Variants in KCND2 observed in about 807,000 individuals in gnomAD.
KCND2 encodes A-type voltage-gated potassium channel KCND2.
A neutral mutation model predicts 54.4 loss-of-function variants in KCND2; 16 were observed. The ratio of observed to expected loss-of-function variants is 0.29; its 90% CI spans 0.20 to 0.45. The LOEUF is 0.45. KCND2 is among the 20% of genes least tolerant of loss of function. The pLI is 1.00. For missense variants in KCND2, 486 were observed against 824.2 expected, an observed-to-expected ratio of 0.59 and a Z score of 5.02; for synonymous variants, 317 against 310.7, an observed-to-expected ratio of 1.02 and a Z score of -0.21.
At chr7:120,628,854 T>A (rs1793192934) in intron 1 of KCND2, among the ~76,000 whole-genome samples, 1 of 152,108 alleles carries the variant, frequency 6.6e-6, no homozygotes, top group Admixed American at 6.5e-5. Context: ...CTGAATTAAT[T>A]CAATAAATTT....
At chr7:120,642,474 A>T (rs760727677) in intron 1 of KCND2, among the ~76,000 whole-genome samples, 4 of 151,542 alleles carry the variant, frequency 2.6e-5, no homozygotes, top group Non-Finnish European at 5.9e-5. Context: ...AGGCACAAGA[A>T]TCACTTGAAC....
In KCND2 at chr7:120,324,296, T is replaced by G. The variant is rs868555956; in HGVS notation, c.1115+48549T>G. On this transcript the variant is annotated intron_variant, in intron 1 of 5. Transcript: ENST00000331113. ...TTTCTTTTGCTGTGCAGAAGCTCTT[T>G]AGTTTAATTAGATCCCATTTGTCAA... Among the ~76,000 whole-genome samples the G allele has an allele frequency of 4.3e-3, 648 of 149,916 alleles. 2 individuals carry two copies. Among genetic ancestry groups the G allele is most frequent in the Admixed American group, 8.2e-3 (123 of 15,076 alleles).
intron 1 of KCND2, among the ~76,000 whole-genome samples, chr7:120,665,095 G>A (rs728115): frequency 0.13 from 20,274 of 151,948 alleles, 1,914 homozygotes; most frequent in East Asian, 0.42. Flanking sequence ...TTCCAGAAAA[G>A]TGCAGTGACA....
intron 1 of KCND2, among the ~76,000 whole-genome samples, chr7:120,537,779 C>T (rs947006505): frequency 6.6e-6 from 1 of 152,196 alleles, no homozygotes; most frequent in African/African-American, 2.4e-5. Flanking sequence ...CTGCAGCTTC[C>T]TCACCTCTCT....
rs189381610 is a variant in KCND2, at chr7:120,391,598, T to C, written c.1115+115851T>C. Among the ~76,000 whole-genome samples the C allele has an allele frequency of 6.4e-4, 98 of 152,278 alleles. 1 individual carries two copies. Among genetic ancestry groups the C allele is most frequent in the Admixed American group, 6.3e-3 (97 of 15,280 alleles). ...CATCTGTTGTTTCCAGACTTTTGAATGATCACCATTCTAACTGGTGTGAGA... is the reference window on the plus strand; with the variant it reads ...CATCTGTTGTTTCCAGACTTTTGAACGATCACCATTCTAACTGGTGTGAGA... On this transcript the variant is annotated intron_variant, in intron 1 of 5. Transcript: ENST00000331113.
chr7:120,678,401 A>G (rs915932717), intron 1 of KCND2, among the ~76,000 whole-genome samples: 7 of 135,208 alleles, frequency 5.2e-5, no homozygotes, highest in African/African-American at 1.8e-4. Flanking sequence ...AGACACATAC[A>G]CACATATATA....
At chr7:120,746,075 G>C in intron 5 of KCND2, 48 bp downstream of exon 5, 1 of 1,601,938 alleles carries the variant, frequency 6.2e-7, no homozygotes, top group Non-Finnish European at 8.5e-7. Context: ...CTGGTTCCCA[G>C]GGTGTGTCTT....
At chr7:120,371,900 A>T (rs568322680) in intron 1 of KCND2, among the ~76,000 whole-genome samples, 6 of 152,058 alleles carry the variant, frequency 3.9e-5, no homozygotes, top group African/African-American at 1.4e-4. Context: ...GCAAAATTAC[A>T]TAACAACACA....
intron 1 of KCND2, among the ~76,000 whole-genome samples, chr7:120,295,536 G>T (rs1162359548): frequency 2.6e-5 from 4 of 151,898 alleles, no homozygotes; most frequent in Non-Finnish European, 5.9e-5. Flanking sequence ...GCTTGCTAAT[G>T]GTAGATTCTG....
chr7:120,659,818 T>C (rs1791844581), intron 1 of KCND2, among the ~76,000 whole-genome samples: 1 of 152,188 alleles, frequency 6.6e-6, no homozygotes, highest in African/African-American at 2.4e-5. Context: ...ACTAGGGTTT[T>C]GCATCCCACA....
intron 1 of KCND2, among the ~76,000 whole-genome samples, chr7:120,357,930 CTT>C (rs1354068282): frequency 2.0e-5 from 3 of 152,064 alleles, no homozygotes; most frequent in African/African-American, 4.8e-5. Context: ...GGGGTTGCAG[CTT>C]CATCATATGA....
chr7:120,334,042 G>GTAA (rs1266278376), intron 1 of KCND2, among the ~76,000 whole-genome samples: 3 of 152,116 alleles, frequency 2.0e-5, no homozygotes, highest in African/African-American at 7.2e-5. Context: ...GGTTCTTGAG[G>GTAA]TAATACCTTT....
chr7:120,741,624 C>T lies in KCND2; in HGVS notation c.1369C>T (p.Leu457=), dbSNP rs117232099. 6.2e-7 allele frequency: 1 copy of T among 1,606,270 alleles called. No homozygotes were observed. Among genetic ancestry groups the T allele is most frequent in the East Asian group, 2.2e-5 (1 of 44,762 alleles). The part of the protein sequence containing the change: ...SKRNGLLSNQ[L]QSSEDEQAFV... ...ACGGAATGGTTTACTCAGTAATCAG[C>T]TGCAGGTACAATCAATTACATCTCT... is the stretch of plus-strand genomic sequence containing the variant. Residue 457 remains leucine, a synonymous_variant, in exon 3 of 6, where the codon CTG becomes TTG. Transcript: ENST00000331113.
intron 1 of KCND2, among the ~76,000 whole-genome samples, chr7:120,309,705 A>G (rs1344135570): frequency 6.6e-6 from 1 of 151,838 alleles, no homozygotes; most frequent in East Asian, 1.9e-4. Flanking sequence ...ATCTTCAGAT[A>G]TCTTATGTTA....
At chr7:120,507,088 G>T (rs1803033882) in intron 1 of KCND2, among the ~76,000 whole-genome samples, 1 of 151,756 alleles carries the variant, frequency 6.6e-6, no homozygotes, top group South Asian at 2.1e-4. Context: ...ATTCAAAATG[G>T]TTATTCAGTC....
intron 1 of KCND2, among the ~76,000 whole-genome samples, chr7:120,593,451 A>G (rs1792695901): frequency 6.6e-6 from 1 of 152,132 alleles, no homozygotes; most frequent in Admixed American, 6.6e-5. Flanking sequence ...ACAGAATCCT[A>G]TCAAAAATAA....
chr7:120,289,356 GC>G (rs1302483859), intron 1 of KCND2, among the ~76,000 whole-genome samples: 1 of 151,886 alleles, frequency 6.6e-6, no homozygotes, highest in Admixed American at 6.6e-5. Context: ...ATAAAATAAG[GC>G]CACTCCACTA....
chr7:120,604,987 GCA>G (rs1792863264), intron 1 of KCND2, among the ~76,000 whole-genome samples: 1 of 152,126 alleles, frequency 6.6e-6, no homozygotes, highest in African/African-American at 2.4e-5. Context: ...AGTAAACAGT[GCA>G]TTTTTATTGT....
chr7:120,308,707 G>A (rs192265745), intron 1 of KCND2, among the ~76,000 whole-genome samples: 2 of 152,242 alleles, frequency 1.3e-5, no homozygotes, highest in Admixed American at 1.3e-4. Flanking sequence ...ATAAGTGTGG[G>A]ACAGGAGAAA....
Sources: allele counts gnomAD v4.1 joint callset (sites outside exome capture counted in the v4.1 genomes callset), GRCh38; gene constraint gnomAD v4.1.1; transcripts MANE v1.5; gene names NCBI Gene and HGNC (gene_info 2026-07-23, HGNC 2026-07-21).